The following ZPBP variants were observed in gnomAD, a reference collection of about 807,000 sequenced individuals.
The protein encoded by ZPBP is zona pellucida-binding protein 1.
ZPBP carries 26 observed loss-of-function variants against 44.8 expected under a neutral mutation model. The ratio of observed to expected loss-of-function variants is 0.58; its 90% confidence interval spans 0.43 to 0.81. The LOEUF is 0.81. Ranked by LOEUF, ZPBP falls within the 30% of genes least tolerant of loss-of-function variation. ZPBP has a pLI of 0.00. For synonymous variants in ZPBP, 174 were observed against 153.2 expected, an observed-to-expected ratio of 1.14 and a Z score of -1.00; for missense variants, 409 against 434.0, an observed-to-expected ratio of 0.94 and a Z score of 0.51.
At chr7:50,012,295 C>T (rs1798623383) in intron 6 of ZPBP, among the ~76,000 whole-genome samples, 1 of 151,988 alleles carries the variant, frequency 6.6e-6, no homozygotes, top group Non-Finnish European at 1.5e-5. Flanking sequence ...GATATAATTA[C>T]TTATTGAAAA....
chr7:50,053,030 C>T (rs1053655753), intron 4 of ZPBP, among the ~76,000 whole-genome samples: 3 of 152,088 alleles, frequency 2.0e-5, no homozygotes, highest in African/African-American at 7.2e-5. Flanking sequence ...GTTGTAGATA[C>T]CTGAGCCTAC....
At chr7:50,037,653 CAACAGGTCCTTCCCCCA>C (rs985462337) in intron 4 of ZPBP, among the ~76,000 whole-genome samples, 10 of 152,162 alleles carry the variant, frequency 6.6e-5, no homozygotes, top group African/African-American at 2.4e-4. Context: ...AATCACCTCC[CAACAGGTCCTTCCCCCA>C]AAATTGGGGA....
the ZPBP span, among the ~76,000 whole-genome samples, chr7:49,840,927 G>A: frequency 9.9e-5 from 15 of 152,082 alleles, no homozygotes; most frequent in African/African-American, 1.9e-4. Context: ...CACTATAGTG[G>A]GTTAACATGA....
In ZPBP at chr7:49,877,481, A is replaced by AAAAAAAAAATATACAT; in HGVS notation, n.509+23636_509+23637insATGTATATTTTTTTTT. Among the ~76,000 whole-genome samples the AAAAAAAAAATATACAT allele has an allele frequency of 1.6e-4, 2 of 12,722 alleles. 1 individual carries two copies. The highest frequency in any genetic ancestry group is 5.6e-4 in the African/African-American group (2 of 3,594). 8.3% of individuals were successfully genotyped at this position (12,722 alleles called of 152,430 possible). ...CTGTCTCAAAAAAAAAAAAAAAAAAAATATATATATATATATATATATATA... is the reference window on the plus strand; with the variant it reads ...CTGTCTCAAAAAAAAAAAAAAAAAAAAAAAAAAAATATACATATATATATATATATATATATATATA... On this transcript the variant is annotated intron_variant and non_coding_transcript_variant, in intron 2 of 2. Coordinates refer to the ZPBP transcript ENST00000465922.
chr7:49,950,236 G>C (rs1174730536), intron 7 of ZPBP, among the ~76,000 whole-genome samples: 2 of 151,884 alleles, frequency 1.3e-5, no homozygotes. Flanking sequence ...ACAATAATAT[G>C]AATAGGTTAA....
At chr7:49,870,235 C>A (rs1394387809) in intron 2 of ZPBP, among the ~76,000 whole-genome samples, 2 of 152,030 alleles carry the variant, frequency 1.3e-5, no homozygotes, top group Non-Finnish European at 2.9e-5. Flanking sequence ...TCCGTCTCTA[C>A]TAAAAATACA....
intron 3 of ZPBP, among the ~76,000 whole-genome samples, chr7:50,074,195 A>G (rs1284967613): frequency 6.6e-6 from 1 of 152,040 alleles, no homozygotes. Context: ...TATGCAAACA[A>G]TGTTAAGTTT....
intron 5 of ZPBP, among the ~76,000 whole-genome samples, chr7:50,026,141 C>G (rs1162480857): frequency 6.6e-6 from 1 of 151,394 alleles, no homozygotes; most frequent in African/African-American, 2.4e-5. Flanking sequence ...ATAAACAGAT[C>G]TCTACACAAA....
intron 1 of ZPBP, chr7:49,917,901 A>G (rs764670742): frequency 1.3e-5 from 2 of 152,228 alleles, no homozygotes; most frequent in Middle Eastern, 3.4e-3. Flanking sequence ...AATAAATACA[A>G]TTCTATTTTC....
intron 7 of ZPBP, 142 bp downstream of exon 7, chr7:49,983,200 C>A (rs762765798): frequency 6.3e-6 from 5 of 799,968 alleles, no homozygotes; most frequent in Non-Finnish European, 9.6e-6. Context: ...TTTAGATTCA[C>A]TTTTCAAATA....
At chr7:50,061,657 A>T (rs1411619532) in intron 3 of ZPBP, among the ~76,000 whole-genome samples, 1 of 152,224 alleles carries the variant, frequency 6.6e-6, no homozygotes, top group Non-Finnish European at 1.5e-5. Flanking sequence ...GAGCAGGAGC[A>T]CCATCATCTT....
At chr7:49,872,915 CA>C (rs61473396) in intron 2 of ZPBP, among the ~76,000 whole-genome samples, 1,293 of 33,854 alleles carry the variant, frequency 0.038, 15 homozygotes, top group South Asian at 0.25. Context: ...GACTTTGTCT[CA>C]AAAAAAAAAA....
intron 2 of ZPBP, among the ~76,000 whole-genome samples, chr7:49,878,721 TG>T (rs1311569673): frequency 2.6e-5 from 4 of 152,176 alleles, no homozygotes; most frequent in African/African-American, 9.6e-5. Flanking sequence ...TTTAAAAAAT[TG>T]CTCATGCACG....
chr7:49,915,863 A>ATG (rs1793694850), intron 1 of ZPBP: 1 of 152,224 alleles, frequency 6.6e-6, no homozygotes, highest in Non-Finnish European at 1.5e-5. Context: ...GTAAAAACAT[A>ATG]CATGCTTCTT....
intron 3 of ZPBP, among the ~76,000 whole-genome samples, chr7:50,070,969 T>G (rs1801805912): frequency 6.6e-6 from 1 of 152,200 alleles, no homozygotes; most frequent in Non-Finnish European, 1.5e-5. Context: ...AGGCAGTTAA[T>G]TCTAAAGGAC....
intron 1 of ZPBP, among the ~76,000 whole-genome samples, chr7:49,930,987 TAATG>T (rs1794425463): frequency 1.3e-5 from 2 of 152,230 alleles, no homozygotes; most frequent in African/African-American, 4.8e-5. Flanking sequence ...GTTCTCATGA[TAATG>T]AATAAGTCTC....
At chr7:49,987,088 T>C (rs758441717) in intron 6 of ZPBP, among the ~76,000 whole-genome samples, 1 of 152,052 alleles carries the variant, frequency 6.6e-6, no homozygotes, top group Non-Finnish European at 1.5e-5. Context: ...CCTTTGACAT[T>C]TGTTGATTCT....
At chr7:50,040,279 A>G (rs547677206) in intron 4 of ZPBP, among the ~76,000 whole-genome samples, 2 of 152,384 alleles carry the variant, frequency 1.3e-5, no homozygotes, top group African/African-American at 2.4e-5. Flanking sequence ...GTTGAAAGTA[A>G]TAGAATGTTA....
rs548805835 is a variant in ZPBP, at chr7:50,058,127, C to T, written c.349G>A (p.Ala117Thr). The change falls in exon 4 of 8, where the codon GCA becomes ACA. Residue 117 changes from alanine to threonine, a missense_variant. Around this residue, in one of 2 missense-constraint regions of ZPBP, gnomAD observed 367 missense variants for 363.1 expected, o/e 1.01. Transcript: ENST00000046087. ...AGGCTTCCTGTGGATGTTATTTGTG[C>T]AGTGCGGTTTTCTACTAAAGGAATA... ...GKVVSVENRTAQITSTGSLVF... is the reference protein window; with the variant it reads ...GKVVSVENRTTQITSTGSLVF... 2.1e-5 allele frequency: 34 copies of T among 1,613,720 alleles called. No individual in the cohort carries two copies. In the South Asian group the frequency reaches 3.4e-4, roughly 16 times the overall value.
Sources: allele counts gnomAD v4.1 joint callset (sites outside exome capture counted in the v4.1 genomes callset), GRCh38; gene constraint gnomAD v4.1.1; regional missense constraint gnomAD v4.1.1; transcripts MANE v1.5; gene names NCBI Gene and HGNC (gene_info 2026-07-23, HGNC 2026-07-21).